KPNA3: variants seen among roughly 807,000 people sequenced by gnomAD.
KPNA3 encodes the protein importin subunit alpha-4.
Under a neutral mutation model 73.8 loss-of-function variants are expected in KPNA3, and 13 were observed. The ratio of observed to expected loss-of-function variants is 0.18; its 90% CI spans 0.11 to 0.28. The LOEUF (loss-of-function observed/expected upper bound fraction) is 0.28. KPNA3 is among the 10% of genes least tolerant of loss of function. The pLI is 1.00. For missense variants in KPNA3, 360 were observed against 618.1 expected, an observed-to-expected ratio of 0.58 and a Z score of 4.43; for synonymous variants, 186 against 206.9, an observed-to-expected ratio of 0.90 and a Z score of 0.87.
At chr13:49,724,709 G>A (rs1182263068) in intron 7 of KPNA3, among the ~76,000 whole-genome samples, 1 of 152,092 alleles carries the variant, frequency 6.6e-6, no homozygotes, top group African/African-American at 2.4e-5. Context: ...CGATCCTCTC[G>A]CCTCTGTCTC....
At chr13:49,721,149 G>A (rs780987386) in intron 9 of KPNA3, among the ~76,000 whole-genome samples, 10 of 151,972 alleles carry the variant, frequency 6.6e-5, no homozygotes, top group Non-Finnish European at 1.5e-4. Context: ...AACCCAGGAG[G>A]CAGAGGCTGC....
chr13:49,764,734 C>T (rs953452992), intron 1 of KPNA3, among the ~76,000 whole-genome samples: 1 of 151,436 alleles, frequency 6.6e-6, no homozygotes, highest in African/African-American at 2.4e-5. Flanking sequence ...ATATCATGAG[C>T]ATGACCATGT....
chr13:49,780,664 T>C (rs997518620), intron 1 of KPNA3, among the ~76,000 whole-genome samples: 1 of 152,162 alleles, frequency 6.6e-6, no homozygotes, highest in Admixed American at 6.5e-5. Flanking sequence ...ATCTGGCTCT[T>C]GTCTGTCCTA....
chr13:49,718,746 A>G (rs1954327973), intron 10 of KPNA3, among the ~76,000 whole-genome samples: 1 of 152,324 alleles, frequency 6.6e-6, no homozygotes, highest in Middle Eastern at 3.4e-3. Flanking sequence ...AGGCTGTGTC[A>G]AACACGAAGT....
Position 49,713,674 on chromosome 13 carries a change from C to CACACACAAAA in KPNA3, c.772-2653_772-2652insTTTTGTGTGT, listed in dbSNP as rs563909268. ...ACACACACACACACACACACACACA[C>CACACACAAAA]AAAACAGAAAAACCCAACAACAAAA... On this transcript the variant is annotated intron_variant, in intron 10 of 16. Transcript: ENST00000261667. Among the ~76,000 whole-genome samples, 110 of 142,006 alleles carry CACACACAAAA rather than the reference C, an allele frequency of 7.7e-4. 1 individual carries two copies. Among genetic ancestry groups the CACACACAAAA allele is most frequent in the South Asian group, 4.5e-3 (20 of 4,438 alleles). The allele number at this position is 142,006 out of a possible 152,430, so 93.2% of individuals were successfully genotyped here.
At chr13:49,718,629 T>C (rs1439189243) in intron 10 of KPNA3, among the ~76,000 whole-genome samples, 1 of 152,244 alleles carries the variant, frequency 6.6e-6, no homozygotes, top group Non-Finnish European at 1.5e-5. Context: ...AATTTTACTT[T>C]TTCCTTTACA....
intron 2 of KPNA3, among the ~76,000 whole-genome samples, chr13:49,746,064 G>GAAAAAA (rs398022733): frequency 4.9e-4 from 41 of 83,012 alleles, no homozygotes; most frequent in African/African-American, 6.3e-4. Flanking sequence ...CTCTGCATCA[G>GAAAAAA]AAAAAAAAAA....
At chr13:49,708,274 C>A (rs929550397) in intron 12 of KPNA3, among the ~76,000 whole-genome samples, 1 of 152,182 alleles carries the variant, frequency 6.6e-6, no homozygotes. Flanking sequence ...GGATTACAGG[C>A]ATGAGCCACC....
intron 1 of KPNA3, among the ~76,000 whole-genome samples, chr13:49,758,844 T>C (rs1954734626): frequency 6.6e-6 from 1 of 152,178 alleles, no homozygotes; most frequent in African/African-American, 2.4e-5. Flanking sequence ...TACTTGGAGA[T>C]GTGTATCTCC....
chr13:49,729,156 T>C (rs1954438386), intron 6 of KPNA3, among the ~76,000 whole-genome samples: 1 of 152,214 alleles, frequency 6.6e-6, no homozygotes, highest in African/African-American at 2.4e-5. Context: ...TATTGTCTTT[T>C]GATTCCACTT....
At chr13:49,703,876 CA>C (rs920937874) in intron 15 of KPNA3, among the ~76,000 whole-genome samples, 2 of 152,052 alleles carry the variant, frequency 1.3e-5, no homozygotes, top group African/African-American at 4.8e-5. Context: ...AAATCGTTGC[CA>C]AAGTGCTTTA....
In KPNA3 at chr13:49,767,477, T is replaced by C. The variant is rs117172772; in HGVS notation, c.70-20484A>G. Among the ~76,000 whole-genome samples the C allele has an allele frequency of 3.8e-4, 57 of 151,888 alleles. No individual in the cohort carries two copies. The East Asian group carries it at 0.01, about 28-fold the overall frequency. ...AATTAAATTAGAATAAAAAGAACTA[T>C]TACAAATTATATTTTCATTATCTTG... On this transcript the variant is annotated intron_variant, in intron 1 of 16. Transcript: ENST00000261667.
intron 6 of KPNA3, 145 bp from the exon 7 acceptor site, chr13:49,725,646 CTT>C (rs35089210): frequency 0.013 from 4,763 of 374,320 alleles, no homozygotes; most frequent in South Asian, 0.023. Flanking sequence ...GCCAACCCTA[CTT>C]TTTTTTTTTT....
At chr13:49,747,972 C>T (rs988480034) in intron 1 of KPNA3, among the ~76,000 whole-genome samples, 7 of 152,088 alleles carry the variant, frequency 4.6e-5, no homozygotes, top group Admixed American at 1.3e-4. Flanking sequence ...ACTACACTAT[C>T]AGAATTATCT....
intron 10 of KPNA3, among the ~76,000 whole-genome samples, chr13:49,718,969 A>AAAGGT (rs148448240): frequency 4.0e-5 from 6 of 151,536 alleles, no homozygotes; most frequent in Non-Finnish European, 5.9e-5. Flanking sequence ...GTATGTAGAT[A>AAAGGT]AAGATTACAA....
At chr13:49,753,528 C>T (rs572190102) in intron 1 of KPNA3, among the ~76,000 whole-genome samples, 5 of 152,258 alleles carry the variant, frequency 3.3e-5, no homozygotes, top group African/African-American at 9.6e-5. Context: ...AAAAGGTGAC[C>T]GTGAGCAATG....
Position 49,792,467 on chromosome 13 carries a change from T to G in KPNA3, c.40A>C (p.Ser14Arg). Residue 14 changes from serine (S) to arginine (R), a missense_variant, in exon 1 of 17, where the codon AGC (serine) becomes CGC (arginine). Physicochemically the swap from Ser to Arg is moderately radical, Grantham distance 110. This residue lies in a region of KPNA3 where 35 missense variants were observed against 30.0 expected (regional missense o/e 1.17). Transcript: ENST00000261667. The part of the protein sequence containing the change: ...NPSLENHRIK[S>R]FKNKGRDVET... ...ACATCGCGGCCCTTGTTCTTGAAGCTCTTGATGCGGTGGTTCTCCAAGCTG... is the reference window on the plus strand; with the variant it reads ...ACATCGCGGCCCTTGTTCTTGAAGCGCTTGATGCGGTGGTTCTCCAAGCTG... 6.3e-7 allele frequency: 1 copy of G among 1,583,242 alleles called. No homozygotes were observed. The highest frequency in any genetic ancestry group is 8.6e-7 in the Non-Finnish European group (1 of 1,166,484).
chr13:49,776,016 C>T (rs1954895566), intron 1 of KPNA3, among the ~76,000 whole-genome samples: 1 of 152,100 alleles, frequency 6.6e-6, no homozygotes, highest in African/African-American at 2.4e-5. Flanking sequence ...TGCACTAGCC[C>T]CACATCCACA....
intron 10 of KPNA3, among the ~76,000 whole-genome samples, chr13:49,717,544 G>A: frequency 6.6e-6 from 1 of 151,690 alleles, no homozygotes; most frequent in East Asian, 1.9e-4. Context: ...GTATTCTTGA[G>A]TTCTTAATAT....
Sources: gnomAD v4.1 joint callset for allele counts (sites outside exome capture counted in the v4.1 genomes callset) on GRCh38, gnomAD v4.1.1 for gene constraint, gnomAD v4.1.1 regional missense constraint, MANE v1.5 for transcripts, NCBI Gene and HGNC (gene_info 2026-07-23, HGNC 2026-07-21) for gene names.